The following MTHFD2L variants were observed in gnomAD, a reference collection of about 807,000 sequenced individuals.
MTHFD2L encodes the protein methylenetetrahydrofolate dehydrogenase (NADP+ dependent) 2 like, also known as bifunctional methylenetetrahydrofolate dehydrogenase/cyclohydrolase 2, mitochondrial.
MTHFD2L carries 29 observed loss-of-function variants against 34.9 expected under a neutral mutation model. That is an observed-to-expected ratio of 0.83 (90% CI 0.62 to 1.13). The LOEUF (loss-of-function observed/expected upper bound fraction) is 1.13. Ranked by LOEUF, MTHFD2L falls within the 50% of genes most tolerant of loss-of-function variation. MTHFD2L has a pLI of 0.00. For missense variants in MTHFD2L, 481 were observed against 446.5 expected (o/e 1.08, Z -0.70); for synonymous variants, 167 against 155.7 (o/e 1.07, Z -0.54).
intron 5 of MTHFD2L, among the ~76,000 whole-genome samples, chr4:74,212,219 T>C (rs938418277): frequency 6.6e-6 from 1 of 152,168 alleles, no homozygotes; most frequent in Non-Finnish European, 1.5e-5. Flanking sequence ...TCTTAGTTAT[T>C]TCTTGTCTTC....
chr4:74,251,950 A>G (rs144376852), intron 6 of MTHFD2L, among the ~76,000 whole-genome samples: 1 of 152,344 alleles, frequency 6.6e-6, no homozygotes, highest in East Asian at 1.9e-4. Flanking sequence ...TGAGTTCGGA[A>G]CACCCTGAAG....
chr4:74,259,706 A>G (rs1348924133), intron 6 of MTHFD2L, among the ~76,000 whole-genome samples: 1 of 152,204 alleles, frequency 6.6e-6, no homozygotes, highest in East Asian at 1.9e-4. Flanking sequence ...CATGAACGCA[A>G]CAAGCTAAAC....
intron 5 of MTHFD2L, among the ~76,000 whole-genome samples, chr4:74,215,829 A>G (rs1737118835): frequency 6.6e-6 from 1 of 151,826 alleles, no homozygotes; most frequent in Non-Finnish European, 1.5e-5. Context: ...TTAGGTCTGC[A>G]TAGATACATT....
At chr4:74,121,722 G>T (rs1466077924), upstream of MTHFD2L, among the ~76,000 whole-genome samples, 4 of 144,028 alleles carry the variant, frequency 2.8e-5, no homozygotes, top group African/African-American at 7.6e-5. Flanking sequence ...TATATATGGC[G>T]AGTTGTATAA....
chr4:74,199,055 A>G (rs539019512), intron 3 of MTHFD2L, among the ~76,000 whole-genome samples: 9 of 152,268 alleles, frequency 5.9e-5, no homozygotes, highest in African/African-American at 2.2e-4. Flanking sequence ...TATTAGGCAT[A>G]TGGGTTAATT....
intron 5 of MTHFD2L, among the ~76,000 whole-genome samples, chr4:74,209,537 T>G (rs554671846): frequency 6.6e-6 from 1 of 152,354 alleles, no homozygotes; most frequent in Non-Finnish European, 1.5e-5. Context: ...TTCTTTTTTA[T>G]GGGGGCATAG....
intron 7 of MTHFD2L, among the ~76,000 whole-genome samples, chr4:74,294,553 G>T (rs987588687): frequency 6.6e-6 from 1 of 152,026 alleles, no homozygotes; most frequent in East Asian, 1.9e-4. Flanking sequence ...GGGCATTTTA[G>T]TGTCCTTTAT....
chr4:74,290,640 CTG>C (rs147970923), intron 7 of MTHFD2L, among the ~76,000 whole-genome samples: 151 of 147,886 alleles, frequency 1.0e-3, no homozygotes, highest in Non-Finnish European at 1.1e-3. Context: ...TGGTGAAAGA[CTG>C]TGTGTGTGTG....
chr4:74,267,142 C>A (rs931396096), intron 6 of MTHFD2L: 1 of 984,948 alleles, frequency 1.0e-6, no homozygotes, highest in Admixed American at 6.2e-5. Flanking sequence ...GAAACCCATT[C>A]CATTCGACTT....
At chr4:74,223,880 A>G (rs935547737) in intron 5 of MTHFD2L, among the ~76,000 whole-genome samples, 2 of 152,124 alleles carry the variant, frequency 1.3e-5, no homozygotes, top group African/African-American at 4.8e-5. Flanking sequence ...GCATGTAGTC[A>G]TCTATTAAGT....
intron 7 of MTHFD2L, among the ~76,000 whole-genome samples, chr4:74,282,666 A>AT (rs1258716251): frequency 6.6e-6 from 1 of 152,144 alleles, no homozygotes; most frequent in Non-Finnish European, 1.5e-5. Context: ...AAGGACACAT[A>AT]TGTGCAACAA....
intron 6 of MTHFD2L, among the ~76,000 whole-genome samples, chr4:74,226,486 T>C (rs1048388696): frequency 3.3e-5 from 5 of 152,294 alleles, no homozygotes; most frequent in African/African-American, 9.6e-5. Context: ...ACTTATTATA[T>C]TTCATAAGAT....
At chr4:74,236,126 C>T (rs999442806) in intron 6 of MTHFD2L, among the ~76,000 whole-genome samples, 2 of 152,076 alleles carry the variant, frequency 1.3e-5, no homozygotes, top group African/African-American at 4.8e-5. Context: ...CCATCTAATG[C>T]TCAGTTAATT....
At chr4:74,184,820 T>C (rs557852156) in intron 3 of MTHFD2L, among the ~76,000 whole-genome samples, 1 of 152,262 alleles carries the variant, frequency 6.6e-6, no homozygotes, top group Admixed American at 6.5e-5. Context: ...ACATGTTCTC[T>C]GACCACAATG....
At chr4:74,156,744 G>A (rs150789549), upstream of MTHFD2L, 23 of 152,178 alleles carry the variant, frequency 1.5e-4, no homozygotes, top group African/African-American at 5.3e-4. Context: ...GGACTTCAGC[G>A]GTTCTAATGG....
chr4:74,253,675 C>A (rs1043973763), intron 6 of MTHFD2L, among the ~76,000 whole-genome samples: 2 of 152,192 alleles, frequency 1.3e-5, no homozygotes, highest in Admixed American at 1.3e-4. Context: ...TCCAGGCAAG[C>A]ACCAGAGGAC....
At chr4:74,260,254 G>A (rs901136397) in intron 6 of MTHFD2L, among the ~76,000 whole-genome samples, 5 of 152,166 alleles carry the variant, frequency 3.3e-5, no homozygotes, top group African/African-American at 1.2e-4. Context: ...GAGTCTTGGT[G>A]TTAGGCAACT....
intron 1 of MTHFD2L, among the ~76,000 whole-genome samples, chr4:74,141,138 A>C (rs1278519955): frequency 4.6e-5 from 7 of 152,146 alleles, no homozygotes; most frequent in Admixed American, 3.3e-4. Context: ...TTATGTGACA[A>C]ATTTTCTCAT....
chr4:74,177,120 TGTTAAA>T (rs1282328511), intron 3 of MTHFD2L, among the ~76,000 whole-genome samples: 1 of 152,000 alleles, frequency 6.6e-6, no homozygotes, highest in Non-Finnish European at 1.5e-5. Flanking sequence ...ACATTAATGA[TGTTAAA>T]GTTAGTATAG....
Sources: allele counts gnomAD v4.1 joint callset (sites outside exome capture counted in the v4.1 genomes callset), GRCh38; gene constraint gnomAD v4.1.1; transcripts MANE v1.5; gene names NCBI Gene and HGNC (gene_info 2026-07-23, HGNC 2026-07-21).